Variants in SLC22A23 observed in about 807,000 individuals in gnomAD.
The protein encoded by SLC22A23 is solute carrier family 22 member 23.
SLC22A23 carries 26 observed loss-of-function variants against 61.0 expected under a neutral mutation model. The observed-to-expected ratio is 0.43, with a 90% CI of 0.31 to 0.59. SLC22A23 has a LOEUF of 0.59. SLC22A23 is among the 20% of genes least tolerant of loss of function. The pLI is 0.11. For synonymous variants in SLC22A23, 430 were observed against 413.9 expected, an observed-to-expected ratio of 1.04 and a Z score of -0.47; for missense variants, 796 against 934.7, an observed-to-expected ratio of 0.85 and a Z score of 1.94.
chr6:3,418,210 C>T (rs981915380), intron 1 of SLC22A23, among the ~76,000 whole-genome samples: 2 of 152,136 alleles, frequency 1.3e-5, no homozygotes, highest in Non-Finnish European at 2.9e-5. Flanking sequence ...CAGGTTGCTG[C>T]CGGGGAGAAG....
intron 1 of SLC22A23, among the ~76,000 whole-genome samples, chr6:3,452,351 GGGA>G (rs1772190575): frequency 1.3e-5 from 2 of 152,166 alleles, no homozygotes; most frequent in African/African-American, 4.8e-5. Flanking sequence ...CTAACACTTT[GGGA>G]GGCCGAGGCA....
chr6:3,278,376 T>G (rs1478641950), intron 9 of SLC22A23, among the ~76,000 whole-genome samples: 2 of 152,162 alleles, frequency 1.3e-5, no homozygotes, highest in Non-Finnish European at 2.9e-5. Flanking sequence ...ACGATATGGA[T>G]GAGGAAGAGC....
chr6:3,405,338 G>A (rs7761795), intron 3 of SLC22A23, among the ~76,000 whole-genome samples: 27,250 of 152,122 alleles, frequency 0.18, 4,174 homozygotes, highest in African/African-American at 0.42. Flanking sequence ...ATAGCCTTGT[G>A]AGTGGAGTTG....
intron 9 of SLC22A23, 89 bp downstream of exon 9, chr6:3,283,763 G>A (rs1425920366): frequency 5.7e-6 from 9 of 1,583,350 alleles, no homozygotes; most frequent in African/African-American, 4.0e-5. Context: ...CAGAGCTGAC[G>A]CTGGTTAATC....
rs1371729431 is a variant in SLC22A23 at position 3,286,794 on chromosome 6, C to T, written c.1546+65G>A. 3.6e-6 allele frequency: 5 copies of T among 1,398,206 alleles called. No individual in the cohort carries two copies. In the East Asian group the frequency reaches 9.9e-5, roughly 28 times the overall value. 86.6% of individuals were successfully genotyped at this position (1,398,206 alleles called of 1,614,324 possible). The stretch of plus-strand genomic sequence containing the variant: ...CCAGCGGAGTCTTATGCAGCCCTTT[C>T]AAATGCCCTTGGGGATCTGCCAGCT... On this transcript the variant is annotated intron_variant, in intron 7 of 9. Transcript: ENST00000406686. The surrounding 1 kb of genome is among the most constrained non-coding windows in gnomAD (Gnocchi z 4.2).
At chr6:3,281,905 A>G (rs556016327) in intron 9 of SLC22A23, among the ~76,000 whole-genome samples, 6 of 152,296 alleles carry the variant, frequency 3.9e-5, no homozygotes, top group African/African-American at 9.6e-5. Flanking sequence ...CCAGTTTGTC[A>G]TCTTGGCAAG....
chr6:3,302,213 T>G (rs1761663599), intron 4 of SLC22A23, among the ~76,000 whole-genome samples: 1 of 152,254 alleles, frequency 6.6e-6, no homozygotes, highest in South Asian at 2.1e-4. Flanking sequence ...GTTTTTGAAT[T>G]TATTGGCATA....
At chr6:3,420,960 G>T (rs996411333) in intron 1 of SLC22A23, among the ~76,000 whole-genome samples, 22 of 152,206 alleles carry the variant, frequency 1.4e-4, no homozygotes, top group African/African-American at 5.3e-4. Flanking sequence ...AATTAGCTGG[G>T]TGTGGTGGTG....
At chr6:3,440,427 G>C (rs1333275588) in intron 1 of SLC22A23, among the ~76,000 whole-genome samples, 3 of 152,096 alleles carry the variant, frequency 2.0e-5, no homozygotes, top group Non-Finnish European at 4.4e-5. Flanking sequence ...GAGATGAGTG[G>C]CCGGGTGCGG....
intron 3 of SLC22A23, among the ~76,000 whole-genome samples, chr6:3,337,846 C>A (rs896502830): frequency 1.3e-5 from 2 of 152,240 alleles, no homozygotes; most frequent in Non-Finnish European, 2.9e-5. Context: ...TTGAAATATG[C>A]AAATATGCTA....
chr6:3,292,811 T>C (rs1760725590), intron 5 of SLC22A23, among the ~76,000 whole-genome samples: 1 of 152,218 alleles, frequency 6.6e-6, no homozygotes, highest in African/African-American at 2.4e-5. Context: ...AAGCGCTGCC[T>C]TGAGGGCCGG....
intron 3 of SLC22A23, among the ~76,000 whole-genome samples, chr6:3,337,017 A>G (rs2127417071): frequency 6.6e-6 from 1 of 152,236 alleles, no homozygotes; most frequent in East Asian, 1.9e-4. Context: ...TACATTGCCC[A>G]GGCTGGTCTT....
chr6:3,355,069 A>T (rs1284428614), intron 3 of SLC22A23, among the ~76,000 whole-genome samples: 1 of 151,858 alleles, frequency 6.6e-6, no homozygotes, highest in African/African-American at 2.4e-5. Context: ...TAAAAACACA[A>T]ACAAAAAAAA....
intron 3 of SLC22A23, among the ~76,000 whole-genome samples, chr6:3,364,383 C>T (rs2127454083): frequency 6.6e-6 from 1 of 152,302 alleles, no homozygotes; most frequent in East Asian, 1.9e-4. Context: ...CTAAGAAGGT[C>T]TCAACTGTAG....
intron 4 of SLC22A23, among the ~76,000 whole-genome samples, chr6:3,307,412 C>G (rs73352960): frequency 0.018 from 2,667 of 152,264 alleles, 68 homozygotes; most frequent in African/African-American, 0.06. Flanking sequence ...AATCTTCATT[C>G]ATGATTCTGG....
At chr6:3,370,127 C>G (rs999453738) in intron 3 of SLC22A23, among the ~76,000 whole-genome samples, 6 of 152,048 alleles carry the variant, frequency 3.9e-5, no homozygotes, top group Non-Finnish European at 8.8e-5. Context: ...TTAAAAAATT[C>G]CTGGTTGGGA....
At chr6:3,298,317 C>CG in intron 4 of SLC22A23, 99 bp from the exon 5 acceptor site, 2 of 1,407,794 alleles carry the variant, frequency 1.4e-6, no homozygotes, top group South Asian at 2.8e-5. Context: ...AGGCAGGTGG[C>CG]GGTCAGTCTC....
At chr6:3,365,488 C>T (rs1765746904) in intron 3 of SLC22A23, among the ~76,000 whole-genome samples, 1 of 152,120 alleles carries the variant, frequency 6.6e-6, no homozygotes, top group Non-Finnish European at 1.5e-5. Flanking sequence ...CAGGCAGGCA[C>T]TTGGTCTGGC....
intron 2 of SLC22A23, among the ~76,000 whole-genome samples, chr6:3,411,669 A>G (rs1339464689): frequency 6.6e-6 from 1 of 152,182 alleles, no homozygotes; most frequent in Non-Finnish European, 1.5e-5. Context: ...CCCTATAGAG[A>G]TAGATGGAAT....
Sources: allele counts gnomAD v4.1 joint callset (sites outside exome capture counted in the v4.1 genomes callset), GRCh38; gene constraint gnomAD v4.1.1; non-coding constraint Gnocchi (gnomAD v3.1); transcripts MANE v1.5; gene names NCBI Gene and HGNC (gene_info 2026-07-23, HGNC 2026-07-21).